The following PIK3CA variants were observed in gnomAD, a reference collection of about 807,000 sequenced individuals.
PIK3CA encodes phosphatidylinositol 4,5-bisphosphate 3-kinase catalytic subunit alpha isoform.
PIK3CA carries 27 observed loss-of-function variants against 138.2 expected under a neutral mutation model. The ratio of observed to expected loss-of-function variants is 0.20; its 90% CI spans 0.14 to 0.27. The LOEUF is 0.27. PIK3CA is among the 10% of genes least tolerant of loss of function. PIK3CA has a pLI of 1.00. For missense variants in PIK3CA, 544 were observed against 1,277.4 expected (o/e 0.43, Z 8.75); for synonymous variants, 358 against 413.2 (o/e 0.87, Z 1.62).
At chr3:179,213,358 A>T (rs1724763659) in intron 9 of PIK3CA, among the ~76,000 whole-genome samples, 1 of 152,210 alleles carries the variant, frequency 6.6e-6, no homozygotes, top group Non-Finnish European at 1.5e-5. Flanking sequence ...AAAGTGTGTG[A>T]TAGCCTTACG....
At chr3:179,229,915 A>T in intron 18 of PIK3CA, 89 bp from the exon 19 acceptor site, 1 of 754,418 alleles carries the variant, frequency 1.3e-6, no homozygotes, top group Non-Finnish European at 2.2e-6. Context: ...TTCATTGTTT[A>T]AATGGAAACT....
intron 6 of PIK3CA, among the ~76,000 whole-genome samples, chr3:179,209,099 A>G (rs1042201223): frequency 1.3e-5 from 2 of 150,654 alleles, no homozygotes; most frequent in African/African-American, 4.8e-5. Context: ...GCATAAAAGT[A>G]TACAAATCAT....
chr3:179,163,679 T>A (rs899040459), intron 1 of PIK3CA, among the ~76,000 whole-genome samples: 1 of 152,102 alleles, frequency 6.6e-6, no homozygotes, highest in African/African-American at 2.4e-5. Flanking sequence ...GAGCAAAGAA[T>A]TTGAGAAGTT....
At chr3:179,181,619 G>A (rs1723848317) in intron 1 of PIK3CA, among the ~76,000 whole-genome samples, 1 of 151,876 alleles carries the variant, frequency 6.6e-6, no homozygotes, top group Non-Finnish European at 1.5e-5. Flanking sequence ...TTATTTTGAG[G>A]GGTTTATGTC....
chr3:179,199,694 T>C lies in PIK3CA; in HGVS notation c.357T>C (p.Phe119=). 1 of 1,602,850 alleles carries C rather than the reference T, an allele frequency of 6.2e-7. No individual in the cohort carries two copies. The highest frequency in any genetic ancestry group is 8.5e-7 in the Non-Finnish European group (1 of 1,170,110). Residue 119 remains phenylalanine, a synonymous_variant, in exon 3 of 21, where the codon TTT becomes TTC. Transcript: ENST00000263967. Reference sequence around the variant, plus strand: ...CTTTATGTAATTTTATTAAAGGTTTTGCTATCGGCATGCCAGTGTGTGAAT... The same window carrying C: ...CTTTATGTAATTTTATTAAAGGTTTCGCTATCGGCATGCCAGTGTGTGAAT... ...EEKILNREIG[F]AIGMPVCEFD... is the part of the protein sequence containing the mutation.
chr3:179,206,124 C>T (rs1724554976), intron 6 of PIK3CA, among the ~76,000 whole-genome samples: 2 of 143,968 alleles, frequency 1.4e-5, no homozygotes, highest in Admixed American at 1.4e-4. Context: ...TGAAGTCTCA[C>T]CCTGTGGCCC....
At chr3:179,228,078 T>G (rs1410806657) in intron 17 of PIK3CA, among the ~76,000 whole-genome samples, 1 of 152,106 alleles carries the variant, frequency 6.6e-6, no homozygotes, top group Non-Finnish European at 1.5e-5. Context: ...AATATGTGCC[T>G]GTCTCTTTGA....
At chr3:179,217,718 ATTC>A (rs998673504) in intron 9 of PIK3CA, among the ~76,000 whole-genome samples, 3 of 151,940 alleles carry the variant, frequency 2.0e-5, no homozygotes. Context: ...GTGTTTCTTC[ATTC>A]TTTTTTTCTT....
chr3:179,223,165 A>C (rs1725006258), intron 14 of PIK3CA, among the ~76,000 whole-genome samples: 1 of 152,238 alleles, frequency 6.6e-6, no homozygotes, highest in South Asian at 2.1e-4. Flanking sequence ...CCTTTACATG[A>C]ACAAGAGCTA....
intron 9 of PIK3CA, among the ~76,000 whole-genome samples, chr3:179,211,716 G>C (rs575591424): frequency 5.3e-5 from 8 of 152,152 alleles, no homozygotes; most frequent in Non-Finnish European, 1.2e-4. Context: ...ATCTCTACAT[G>C]AGTACTTCAT....
At chr3:179,231,446 T>A (rs1725208459) in intron 20 of PIK3CA, among the ~76,000 whole-genome samples, 1 of 152,086 alleles carries the variant, frequency 6.6e-6, no homozygotes, top group African/African-American at 2.4e-5. Flanking sequence ...TTTCACCACA[T>A]CCATGTCAAC....
intron 9 of PIK3CA, among the ~76,000 whole-genome samples, 192 bp downstream of exon 9, chr3:179,210,757 C>T (rs528113092): frequency 7.9e-5 from 12 of 152,212 alleles, no homozygotes; most frequent in Non-Finnish European, 1.6e-4. Context: ...AAAGCCCTAG[C>T]TTGCCTTCAT....
intron 1 of PIK3CA, among the ~76,000 whole-genome samples, chr3:179,184,703 AGGCATTTTGGTGG>A (rs1250276835): frequency 6.6e-6 from 1 of 152,178 alleles, no homozygotes; most frequent in Admixed American, 6.5e-5. Context: ...TCTTCTGTTT[AGGCATTTTGGTGG>A]GGATTTTTTC....
chr3:179,209,954 CA>C (rs1724665985), intron 7 of PIK3CA, among the ~76,000 whole-genome samples: 1 of 151,934 alleles, frequency 6.6e-6, no homozygotes, highest in South Asian at 2.1e-4. Context: ...GGATTGCATG[CA>C]AATATCTCAT....
At chr3:179,188,994 T>C (rs1724058570) in intron 1 of PIK3CA, among the ~76,000 whole-genome samples, 1 of 152,082 alleles carries the variant, frequency 6.6e-6, no homozygotes, top group African/African-American at 2.4e-5. Context: ...GGCAGATCAC[T>C]TGAGGTCAGG....
At chr3:179,161,708 A>G (rs1174792447) in intron 1 of PIK3CA, among the ~76,000 whole-genome samples, 1 of 152,184 alleles carries the variant, frequency 6.6e-6, no homozygotes, top group Non-Finnish European at 1.5e-5. Flanking sequence ...AAAAGTGATA[A>G]TAATAAAGAG....
At chr3:179,155,374 G>C (rs1283017806) in intron 1 of PIK3CA, among the ~76,000 whole-genome samples, 1 of 152,128 alleles carries the variant, frequency 6.6e-6, no homozygotes, top group Non-Finnish European at 1.5e-5. Flanking sequence ...TATCTGAAAA[G>C]CAGGTAAATT....
intron 1 of PIK3CA, among the ~76,000 whole-genome samples, chr3:179,175,517 G>A (rs543477697): frequency 7.9e-5 from 12 of 151,868 alleles, no homozygotes; most frequent in South Asian, 2.1e-4. Context: ...CATTCTTCTC[G>A]GAAGTATCCT....
At chr3:179,155,387 T>G (rs761610115) in intron 1 of PIK3CA, among the ~76,000 whole-genome samples, 2 of 152,242 alleles carry the variant, frequency 1.3e-5, no homozygotes, top group Non-Finnish European at 2.9e-5. Flanking sequence ...GGTAAATTGC[T>G]GTGTGCCAGT....
Sources: gnomAD v4.1 joint callset for allele counts (sites outside exome capture counted in the v4.1 genomes callset) on GRCh38, gnomAD v4.1.1 for gene constraint, MANE v1.5 for transcripts, NCBI Gene and HGNC (gene_info 2026-07-23, HGNC 2026-07-21) for gene names.